Variants in KRT8 observed in about 807,000 individuals in gnomAD.
The protein encoded by KRT8 is keratin, type II cytoskeletal 8.
A neutral mutation model predicts 43.0 loss-of-function variants in KRT8; 24 were observed. That is an observed-to-expected ratio of 0.56 (90% CI 0.40 to 0.78). The LOEUF (loss-of-function observed/expected upper bound fraction) is 0.78, where lower values mean the gene tolerates loss of function less well. KRT8 is among the 30% of genes least tolerant of loss of function. The pLI is 0.00. For missense variants in KRT8, 492 were observed against 638.4 expected, an observed-to-expected ratio of 0.77 and a Z score of 2.47; for synonymous variants, 214 against 261.2, an observed-to-expected ratio of 0.82 and a Z score of 1.74.
intron 2 of KRT8, chr12:52,948,846 A>G (rs1029793988): frequency 2.4e-5 from 10 of 418,210 alleles, no homozygotes; most frequent in Non-Finnish European, 3.7e-5. Context: ...AGAAGAGCAT[A>G]ATAACGTCAT....
chr12:52,918,697 G>A (rs1941827204), intron 2 of KRT8, among the ~76,000 whole-genome samples: 1 of 152,130 alleles, frequency 6.6e-6, no homozygotes, highest in African/African-American at 2.4e-5. Flanking sequence ...ATCAGGTAAG[G>A]AACAGTGCCT....
chr12:52,940,369 G>A lies in KRT8; in HGVS notation c.-47+9087C>T, dbSNP rs530799422. Among the ~76,000 whole-genome samples, 3 of 148,370 alleles carry A rather than the reference G, an allele frequency of 2.0e-5. No homozygotes were observed. The East Asian group carries it at 6.1e-4, about 30-fold the overall frequency. On this transcript the variant is annotated intron_variant, in intron 2 of 6. Coordinates refer to the KRT8 transcript ENST00000546826. ...AATCGCTTGAACCTGGGAGGTGGAG[G>A]TTGCAGTGAACCAAGATCATGCCAC...
Position 52,917,399 on chromosome 12 carries a change from CA to C in KRT8, c.-46-12373del, listed in dbSNP as rs1280389241. On this transcript the variant is annotated intron_variant, in intron 2 of 6. Transcript: ENST00000546826. ...CCTGGACAAGAGTGAAACTCCATCT[CA>C]AAAAAAAAAAAGAAAAAAAAGAAAA... is the stretch of plus-strand genomic sequence containing the variant. Among the ~76,000 whole-genome samples the C allele has an allele frequency of 3.5e-3, 428 of 123,200 alleles. 1 individual carries two copies. Among genetic ancestry groups the C allele is most frequent in the Middle Eastern group, 9.1e-3 (2 of 220 alleles). 80.8% of individuals were successfully genotyped at this position (123,200 alleles called of 152,430 possible).
At chr12:52,942,481 G>T (rs1254616922) in intron 2 of KRT8, among the ~76,000 whole-genome samples, 1 of 152,116 alleles carries the variant, frequency 6.6e-6, no homozygotes, top group African/African-American at 2.4e-5. Context: ...CAGCTGCTCT[G>T]ACCCCAGATT....
intron 2 of KRT8, among the ~76,000 whole-genome samples, chr12:52,938,939 G>A (rs1942223792): frequency 6.6e-6 from 1 of 152,028 alleles, no homozygotes; most frequent in Non-Finnish European, 1.5e-5. Context: ...TTTAAAACCA[G>A]CCAGGTTTAG....
At chr12:52,933,182 G>C (rs1250158408) in intron 2 of KRT8, among the ~76,000 whole-genome samples, 1 of 152,140 alleles carries the variant, frequency 6.6e-6, no homozygotes. Context: ...CTGACCTCAG[G>C]CAATCTGCCC....
At chr12:52,903,858 G>GCCCACCCCAC (rs557895911) in intron 1 of KRT8, among the ~76,000 whole-genome samples, 5 of 59,432 alleles carry the variant, frequency 8.4e-5, no homozygotes, top group African/African-American at 2.6e-4. Flanking sequence ...CCCCACCCCA[G>GCCCACCCCAC]CCCACCCCAC....
chr12:52,942,499 T>C (rs75837157), intron 2 of KRT8, among the ~76,000 whole-genome samples: 9,212 of 152,160 alleles, frequency 0.061, 905 homozygotes, highest in African/African-American at 0.21. Context: ...ATTCTGATAC[T>C]CTCTCTCACC....
intron 2 of KRT8, among the ~76,000 whole-genome samples, chr12:52,913,313 T>C (rs1941671786): frequency 6.6e-6 from 1 of 152,176 alleles, no homozygotes; most frequent in African/African-American, 2.4e-5. Context: ...TTTCCTCCTC[T>C]GATATTGCAG....
intron 2 of KRT8, among the ~76,000 whole-genome samples, chr12:52,923,095 C>T (rs1290894883): frequency 1.3e-5 from 2 of 152,218 alleles, no homozygotes. Context: ...CCCTCCCTCA[C>T]ATCATTGCAC....
intron 2 of KRT8, among the ~76,000 whole-genome samples, chr12:52,919,155 G>T (rs78376373): frequency 1.3e-5 from 2 of 152,138 alleles, no homozygotes; most frequent in African/African-American, 4.8e-5. Context: ...GCCTACTGAC[G>T]CCCACTTGCT....
At chr12:52,920,592 C>T (rs774002443) in intron 2 of KRT8, among the ~76,000 whole-genome samples, 14 of 151,770 alleles carry the variant, frequency 9.2e-5, no homozygotes, top group Non-Finnish European at 1.9e-4. Flanking sequence ...AGCGAAACTC[C>T]ATCTGAAAAA....
intron 4 of KRT8, 56 bp downstream of exon 4, chr12:52,900,532 G>T (rs1032633535): frequency 8.9e-7 from 1 of 1,120,686 alleles, no homozygotes; most frequent in African/African-American, 1.5e-5. Flanking sequence ...TGAGTCTCAG[G>T]GTGGAGGCGC....
intron 2 of KRT8, chr12:52,926,498 A>G (rs775791277): frequency 6.5e-5 from 99 of 1,527,230 alleles, no homozygotes; most frequent in Non-Finnish European, 7.7e-5. Context: ...ACCTCCCCAC[A>G]AAGCCTGCCC....
At chr12:52,901,601 G>C (rs1277829989) in intron 2 of KRT8, 4 of 582,222 alleles carry the variant, frequency 6.9e-6, no homozygotes, top group Non-Finnish European at 1.2e-5. Context: ...TCCCGTCTCA[G>C]GTTTACCATG....
intron 2 of KRT8, 166 bp from the exon 3 acceptor site, chr12:52,901,385 A>G: frequency 1.5e-6 from 1 of 681,014 alleles, no homozygotes; most frequent in Non-Finnish European, 2.7e-6. Context: ...CTCCACCCTC[A>G]CCCCTCCCTT....
intron 2 of KRT8, among the ~76,000 whole-genome samples, chr12:52,922,436 G>C (rs1279444756): frequency 1.3e-5 from 2 of 152,194 alleles, no homozygotes; most frequent in Non-Finnish European, 2.9e-5. Context: ...ACTTTAGGAG[G>C]CTGAGGTGGG....
intron 2 of KRT8, among the ~76,000 whole-genome samples, chr12:52,937,954 C>A (rs1242986730): frequency 6.9e-6 from 1 of 144,966 alleles, no homozygotes; most frequent in Non-Finnish European, 1.5e-5. Flanking sequence ...GAGCCGAGAT[C>A]GTGCCATTGC....
At chr12:52,944,799 G>GGCCT (rs1221090420) in intron 2 of KRT8, among the ~76,000 whole-genome samples, 3 of 152,142 alleles carry the variant, frequency 2.0e-5, no homozygotes, top group African/African-American at 7.2e-5. Flanking sequence ...TGGGGAAGAG[G>GGCCT]GCCTGGCCCA....
Sources: allele counts gnomAD v4.1 joint callset (sites outside exome capture counted in the v4.1 genomes callset), GRCh38; gene constraint gnomAD v4.1.1; transcripts MANE v1.5; gene names NCBI Gene and HGNC (gene_info 2026-07-23, HGNC 2026-07-21).